ZFPM2: variants seen among roughly 807,000 people sequenced by gnomAD.
ZFPM2 encodes zinc finger protein ZFPM2.
ZFPM2 carries 20 observed loss-of-function variants against 98.6 expected under a neutral mutation model. The ratio of observed to expected loss-of-function variants is 0.20; its 90% CI spans 0.14 to 0.29. The LOEUF is 0.29. Ranked by LOEUF, ZFPM2 falls within the 10% of genes least tolerant of loss-of-function variation. ZFPM2 has a pLI of 1.00. For missense variants in ZFPM2, 1,310 were observed against 1,388.6 expected (o/e 0.94, Z 0.90); for synonymous variants, 518 against 502.7 (o/e 1.03, Z -0.41).
intron 5 of ZFPM2, among the ~76,000 whole-genome samples, chr8:105,784,080 T>C (rs1813340926): frequency 6.6e-6 from 1 of 152,156 alleles, no homozygotes; most frequent in Non-Finnish European, 1.5e-5. Context: ...TAATATCCTG[T>C]GGTTTGTTTC....
chr8:105,353,306 G>A (rs1190215428), intron 1 of ZFPM2, among the ~76,000 whole-genome samples: 1 of 152,030 alleles, frequency 6.6e-6, no homozygotes, highest in Non-Finnish European at 1.5e-5. Context: ...TGTCCCCCTA[G>A]TAGAGAGTCC....
At chr8:105,721,963 A>G (rs1300668793) in intron 5 of ZFPM2, among the ~76,000 whole-genome samples, 1 of 151,966 alleles carries the variant, frequency 6.6e-6, no homozygotes, top group Non-Finnish European at 1.5e-5. Context: ...CATTTCAAAG[A>G]CTTAATACTA....
chr8:105,400,152 A>G (rs931765406), intron 1 of ZFPM2, among the ~76,000 whole-genome samples: 2 of 152,062 alleles, frequency 1.3e-5, no homozygotes, highest in African/African-American at 4.8e-5. Flanking sequence ...TGTGTCTAAA[A>G]TATCACTCCC....
rs200428642 is a variant in ZFPM2, at chr8:105,536,652, C to T, written c.302-24711C>T. Among the ~76,000 whole-genome samples the T allele has an allele frequency of 5.3e-5, 8 of 152,054 alleles. No homozygotes were observed. In the East Asian group the frequency reaches 1.5e-3, roughly 29 times the overall value. ...CATTGTTGGCTTTAAGTGTTGTTTTCAAGTTGTGAATGTTGAATAAGATAG... is the reference window on the plus strand; with the variant it reads ...CATTGTTGGCTTTAAGTGTTGTTTTTAAGTTGTGAATGTTGAATAAGATAG... On this transcript the variant is annotated intron_variant, in intron 3 of 7. Coordinates refer to ENST00000407775, the MANE Select transcript of ZFPM2 (RefSeq NM_012082.4).
intron 5 of ZFPM2, among the ~76,000 whole-genome samples, chr8:105,752,540 G>A (rs1411767521): frequency 1.3e-5 from 2 of 152,118 alleles, no homozygotes; most frequent in Non-Finnish European, 2.9e-5. Context: ...AAAGCCCGTG[G>A]ACGTTCTCTC....
intron 1 of ZFPM2, among the ~76,000 whole-genome samples, chr8:105,322,176 G>C (rs1812038912): frequency 6.6e-6 from 1 of 152,070 alleles, no homozygotes; most frequent in African/African-American, 2.4e-5. Flanking sequence ...CGCTGTTGTT[G>C]TTTTTAGCCT....
intron 5 of ZFPM2, among the ~76,000 whole-genome samples, chr8:105,784,125 A>G (rs1037497060): frequency 7.2e-5 from 11 of 152,184 alleles, no homozygotes; most frequent in Non-Finnish European, 1.5e-4. Flanking sequence ...CAAGATACCA[A>G]CATAGCTAAA....
chr8:105,588,528 C>T (rs1458402957), intron 4 of ZFPM2, among the ~76,000 whole-genome samples: 6 of 152,126 alleles, frequency 3.9e-5, no homozygotes, highest in Admixed American at 1.3e-4. Flanking sequence ...AAGATTCTTC[C>T]CATTGACCCT....
chr8:105,555,185 A>G (rs1019186840), intron 3 of ZFPM2, among the ~76,000 whole-genome samples: 28 of 152,046 alleles, frequency 1.8e-4, no homozygotes, highest in Admixed American at 1.8e-3. Flanking sequence ...AGCACTAACA[A>G]TATTATCTTT....
At chr8:105,407,938 G>A (rs370008076) in intron 1 of ZFPM2, among the ~76,000 whole-genome samples, 1 of 152,018 alleles carries the variant, frequency 6.6e-6, no homozygotes, top group East Asian at 1.9e-4. Flanking sequence ...CTGGCGCAGA[G>A]TTTATGATAC....
intron 3 of ZFPM2, among the ~76,000 whole-genome samples, chr8:105,546,662 T>A (rs1424810649): frequency 6.6e-6 from 1 of 152,038 alleles, no homozygotes; most frequent in Non-Finnish European, 1.5e-5. Flanking sequence ...TACTGAGTCC[T>A]TTATCTATGT....
intron 5 of ZFPM2, among the ~76,000 whole-genome samples, chr8:105,694,146 C>T (rs1385946203): frequency 2.6e-5 from 4 of 151,434 alleles, no homozygotes; most frequent in African/African-American, 4.8e-5. Context: ...GTCACTACGC[C>T]GGCTAATTTT....
At chr8:105,401,003 G>A (rs1811328921) in intron 1 of ZFPM2, among the ~76,000 whole-genome samples, 1 of 150,958 alleles carries the variant, frequency 6.6e-6, no homozygotes, top group Non-Finnish European at 1.5e-5. Context: ...TTTTAAAATT[G>A]AAGACCATGA....
intron 3 of ZFPM2, among the ~76,000 whole-genome samples, chr8:105,514,350 A>C (rs1209450314): frequency 6.8e-6 from 1 of 147,590 alleles, no homozygotes; most frequent in East Asian, 2.0e-4. Flanking sequence ...TAAGGGAGCC[A>C]GATAGGCCTT....
chr8:105,658,360 G>A (rs1319673900), intron 5 of ZFPM2, among the ~76,000 whole-genome samples: 2 of 42,216 alleles, frequency 4.7e-5, no homozygotes, highest in South Asian at 4.6e-4. Context: ...AGGCCGAGGC[G>A]GGTGGATCAC....
At chr8:105,426,409 A>G (rs1811912215) in intron 2 of ZFPM2, among the ~76,000 whole-genome samples, 1 of 152,048 alleles carries the variant, frequency 6.6e-6, no homozygotes, top group South Asian at 2.1e-4. Flanking sequence ...GGAGACACTG[A>G]TGGAGCACTG....
At chr8:105,505,934 G>T (rs988994155) in intron 3 of ZFPM2, among the ~76,000 whole-genome samples, 5 of 128,676 alleles carry the variant, frequency 3.9e-5, no homozygotes, top group African/African-American at 1.9e-4. Context: ...AAAATATATT[G>T]TAACTCTTTT....
chr8:105,503,205 C>T (rs1430294596), intron 3 of ZFPM2, among the ~76,000 whole-genome samples: 1 of 152,082 alleles, frequency 6.6e-6, no homozygotes, highest in Non-Finnish European at 1.5e-5. Flanking sequence ...TGAAAGGCCC[C>T]CTGGAAATAA....
chr8:105,398,778 A>G (rs545899296), intron 1 of ZFPM2, among the ~76,000 whole-genome samples: 1 of 152,266 alleles, frequency 6.6e-6, no homozygotes, highest in Admixed American at 6.5e-5. Flanking sequence ...ACATATTGGT[A>G]CATATGTATA....
Sources: allele counts gnomAD v4.1 joint callset (sites outside exome capture counted in the v4.1 genomes callset), GRCh38; gene constraint gnomAD v4.1.1; transcripts MANE v1.5; gene names NCBI Gene and HGNC (gene_info 2026-07-23, HGNC 2026-07-21).